DBX1: variants seen among roughly 807,000 people sequenced by gnomAD.
DBX1 encodes the protein developing brain homeobox 1.
In DBX1, 10 loss-of-function variants were observed where a neutral mutation model predicts 20.8. The ratio of observed to expected loss-of-function variants is 0.48; its 90% CI spans 0.30 to 0.82. The LOEUF is 0.82. Among genes scored for constraint, DBX1 ranks in the 40% least tolerant of loss-of-function variants. The pLI is 0.07. For synonymous variants in DBX1, 241 were observed against 213.9 expected (o/e 1.13, Z -1.11); for missense variants, 505 against 468.8 (o/e 1.08, Z -0.71).
Position 20,156,818 on chromosome 11 carries a change from G to A in DBX1, c.672+219C>T. The A allele has an allele frequency of 1.3e-6, 1 of 764,002 alleles. No homozygotes were observed. Among genetic ancestry groups the A allele is most frequent in the Non-Finnish European group, 2.1e-6 (1 of 471,066 alleles). 47.3% of individuals were successfully genotyped at this position (764,002 alleles called of 1,614,324 possible). Reference sequence around the variant, plus strand: ...GAAGGGCGGGGTTGGGGGCCGGTGAGGCCGGGAGAGAAGGCGGGGAGTCGG... The same window carrying A: ...GAAGGGCGGGGTTGGGGGCCGGTGAAGCCGGGAGAGAAGGCGGGGAGTCGG... On this transcript the variant is annotated intron_variant, in intron 3 of 3. Transcript: ENST00000524983. This position sits in a 1 kb window ranked among gnomAD's most constrained non-coding sequence, Gnocchi z 4.8.
chr11:20,156,828 G>A lies in DBX1; in HGVS notation c.672+209C>T. 1.3e-6 allele frequency: 1 copy of A among 750,224 alleles called. No individual in the cohort carries two copies. Among genetic ancestry groups the A allele is most frequent in the East Asian group, 2.7e-5 (1 of 37,508 alleles). 46.5% of individuals were successfully genotyped at this position (750,224 alleles called of 1,614,324 possible). A position where few individuals can be genotyped will look rare whatever the true frequency, so the allele number is the denominator to read the frequency against. ...GTTGGGGGCCGGTGAGGCCGGGAGA[G>A]AAGGCGGGGAGTCGGGGTGGGGAGA... On this transcript the variant is annotated intron_variant, in intron 3 of 3. Transcript: ENST00000524983. The surrounding 1 kb of genome is among the most constrained non-coding windows in gnomAD (Gnocchi z 4.8).
chr11:20,160,277 G>T lies in DBX1; in HGVS notation c.48C>A (p.Leu16=), dbSNP rs1253195930. The change falls in exon 1 of 4, where the codon CTC becomes CTA. Residue 16 remains leucine, a synonymous_variant. Coordinates refer to ENST00000524983, the MANE Select transcript of DBX1 (RefSeq NM_001029865.4). ...LLAPPAGYPS[L]LRPTPTLTLP... ...GCGTCAAGGTGGGCGTGGGCCGCAG[G>T]AGGCTAGGGTACCCGGCGGGGGGCG... 2 of 1,539,404 alleles carry T rather than the reference G, an allele frequency of 1.3e-6. No homozygotes were observed. Among genetic ancestry groups the T allele is most frequent in the Non-Finnish European group, 1.7e-6 (2 of 1,144,460 alleles).
At chr11:20,157,288 C>T in intron 2 of DBX1, 49 bp from the exon 3 acceptor site, 3 of 1,482,760 alleles carry the variant, frequency 2.0e-6, no homozygotes, top group Non-Finnish European at 2.7e-6. Flanking sequence ...GCCCCCCAGT[C>T]CCAACACGGC....
Position 20,160,460 on chromosome 11 carries a change from C to A in DBX1, c.-136G>T. The A allele has an allele frequency of 8.6e-7, 1 of 1,156,124 alleles. No homozygotes were observed. The highest frequency in any genetic ancestry group is 1.1e-6 in the Non-Finnish European group (1 of 872,312). 71.6% of individuals were successfully genotyped at this position (1,156,124 alleles called of 1,614,324 possible). A position where few individuals can be genotyped will look rare whatever the true frequency, so the allele number is the denominator to read the frequency against. ...TCTCCAAGTAACAATCCCACTTGGGCGTCTGCGAGTCCTCCGTGGTCCTCT... is the reference window on the plus strand; with the variant it reads ...TCTCCAAGTAACAATCCCACTTGGGAGTCTGCGAGTCCTCCGTGGTCCTCT... On this transcript the variant is annotated 5_prime_UTR_variant, in exon 1 of 4. Coordinates refer to ENST00000524983, the MANE Select transcript of DBX1 (RefSeq NM_001029865.4).
Sources: gnomAD v4.1 joint callset for allele counts on GRCh38, gnomAD v4.1.1 for gene constraint, Gnocchi (gnomAD v3.1) non-coding constraint, MANE v1.5 for transcripts, NCBI Gene and HGNC (gene_info 2026-07-23, HGNC 2026-07-21) for gene names.